SLC9A2: variants seen among roughly 807,000 people sequenced by gnomAD.
The protein encoded by SLC9A2 is sodium/hydrogen exchanger 2.
In SLC9A2, 42 loss-of-function variants were observed where a neutral mutation model predicts 71.7. The observed-to-expected ratio is 0.59, with a 90% CI of 0.46 to 0.76. The LOEUF is 0.76. Ranked by LOEUF, SLC9A2 falls within the 30% of genes least tolerant of loss-of-function variation. The pLI, the probability that SLC9A2 is intolerant of heterozygous loss-of-function variation, is 0.00. For missense variants in SLC9A2, 829 were observed against 1,017.4 expected (o/e 0.81, Z 2.52); for synonymous variants, 396 against 392.5 (o/e 1.01, Z -0.10).
intron 1 of SLC9A2, among the ~76,000 whole-genome samples, chr2:102,656,851 T>C (rs1247990553): frequency 1.3e-5 from 2 of 152,194 alleles, no homozygotes; most frequent in Non-Finnish European, 2.9e-5. Context: ...TTAGGGTTTT[T>C]ATGAGGATGA....
chr2:102,702,676 T>A (rs1309309381), intron 9 of SLC9A2, among the ~76,000 whole-genome samples, 174 bp downstream of exon 9: 1 of 152,216 alleles, frequency 6.6e-6, no homozygotes, highest in Non-Finnish European at 1.5e-5. Context: ...ACTATCCTCC[T>A]GGACACCATG....
chr2:102,691,363 GATC>G (rs1677658538), intron 5 of SLC9A2, among the ~76,000 whole-genome samples: 1 of 152,162 alleles, frequency 6.6e-6, no homozygotes, highest in Non-Finnish European at 1.5e-5. Context: ...CTCCCTGGGT[GATC>G]TAAATTAGAA....
chr2:102,690,264 G>A (rs1677633023), intron 5 of SLC9A2, among the ~76,000 whole-genome samples: 1 of 152,194 alleles, frequency 6.6e-6, no homozygotes, highest in South Asian at 2.1e-4. Flanking sequence ...ACAGCTGCAA[G>A]GTCAGAAAAA....
chr2:102,625,071 T>C (rs975584320), intron 1 of SLC9A2, among the ~76,000 whole-genome samples: 21 of 152,278 alleles, frequency 1.4e-4, no homozygotes, highest in African/African-American at 4.6e-4. Context: ...AATACACTTC[T>C]AAATTCAGGA....
chr2:102,624,384 A>G (rs1285101577), intron 1 of SLC9A2, among the ~76,000 whole-genome samples: 1 of 152,176 alleles, frequency 6.6e-6, no homozygotes, highest in Non-Finnish European at 1.5e-5. Flanking sequence ...TCTTGTATAG[A>G]GAGATGGGGT....
intron 2 of SLC9A2, among the ~76,000 whole-genome samples, chr2:102,660,220 A>G (rs1677024128): frequency 6.6e-6 from 1 of 152,198 alleles, no homozygotes; most frequent in South Asian, 2.1e-4. Flanking sequence ...CAGGGAAGGC[A>G]GGCGGCCAAA....
rs17027769 is a variant in SLC9A2 at position 102,708,719 on chromosome 2, T to C, written c.*230T>C. On this transcript the variant is annotated 3_prime_UTR_variant, in exon 12 of 12. Coordinates refer to ENST00000233969, the MANE Select transcript of SLC9A2 (RefSeq NM_003048.6). The stretch of plus-strand genomic sequence containing the variant: ...TGTGACTAATGGGTAGCAATCGTAT[T>C]ATTTGCTGGCCTGAAGAGAAAAAAT... 1,990 of 476,846 alleles carry C rather than the reference T, an allele frequency of 4.2e-3. 36 individuals are homozygous for C. The highest frequency in any genetic ancestry group is 0.036 in the African/African-American group (1,854 of 50,956). The allele number at this position is 476,846 out of a possible 1,614,324, so 29.5% of individuals were successfully genotyped here.
intron 5 of SLC9A2, among the ~76,000 whole-genome samples, chr2:102,688,767 C>T (rs776746084): frequency 2.2e-4 from 33 of 151,880 alleles, no homozygotes; most frequent in African/African-American, 2.9e-4. Flanking sequence ...AAACTTGTAA[C>T]GAAAGAAAGA....
At chr2:102,683,075 A>C (rs1275369269) in intron 3 of SLC9A2, among the ~76,000 whole-genome samples, 186 bp from the exon 4 acceptor site, 1 of 152,172 alleles carries the variant, frequency 6.6e-6, no homozygotes, top group Non-Finnish European at 1.5e-5. Flanking sequence ...TTGCTAAAGA[A>C]GACCTCCGGA....
At position 102,708,683 on chromosome 2, in the gene SLC9A2, A is replaced by G. The variant is rs7585959; in HGVS notation, c.*194A>G. On this transcript the variant is annotated 3_prime_UTR_variant, in exon 12 of 12. Transcript: ENST00000233969. ...AAAATCGAATAAAAAATAGTCCCAC[A>G]AAATACCTTTTGTGACTAATGGGTA... 13,753 of 605,866 alleles carry G rather than the reference A, an allele frequency of 0.023. 236 individuals are homozygous for G. The highest frequency in any genetic ancestry group is 0.057 in the Admixed American group (1,671 of 29,212). The allele number at this position is 605,866 out of a possible 1,614,324, so 37.5% of individuals were successfully genotyped here.
At chr2:102,672,670 C>G (rs1462950092) in intron 3 of SLC9A2, among the ~76,000 whole-genome samples, 1 of 152,060 alleles carries the variant, frequency 6.6e-6, no homozygotes, top group Non-Finnish European at 1.5e-5. Context: ...AAATGTTTCC[C>G]TAGGTCCACA....
chr2:102,643,776 G>C (rs1393889550), intron 1 of SLC9A2, among the ~76,000 whole-genome samples: 1 of 151,802 alleles, frequency 6.6e-6, no homozygotes, highest in African/African-American at 2.4e-5. Context: ...TTTCACTTTT[G>C]TTTTTGTTAA....
intron 11 of SLC9A2, among the ~76,000 whole-genome samples, chr2:102,706,480 C>G (rs1480423338): frequency 6.6e-6 from 1 of 151,872 alleles, no homozygotes; most frequent in Non-Finnish European, 1.5e-5. Flanking sequence ...ATGTAAATGG[C>G]GAGTTCATGG....
At chr2:102,695,794 T>C (rs1677750540) in intron 7 of SLC9A2, among the ~76,000 whole-genome samples, 1 of 107,716 alleles carries the variant, frequency 9.3e-6, no homozygotes. Flanking sequence ...ATATATTATA[T>C]ATATATTATA....
intron 1 of SLC9A2, among the ~76,000 whole-genome samples, chr2:102,646,768 A>AATATATAT (rs201347551): frequency 0.19 from 24,702 of 132,562 alleles, 2,719 homozygotes; most frequent in East Asian, 0.35. Flanking sequence ...AACGATCCTA[A>AATATATAT]ATATATATAT....
Position 102,631,445 on chromosome 2 carries a change from C to T in SLC9A2, c.289+11308C>T, listed in dbSNP as rs116114847. 1.8e-3 allele frequency among the ~76,000 whole-genome samples: 280 copies of T among 152,128 alleles called. 1 individual carries two copies. Among genetic ancestry groups the T allele is most frequent in the African/African-American group, 6.2e-3 (259 of 41,518 alleles). ...ATGCCAGATCCTAGCACATAGGTCA[C>T]GCATCTGTGTCAGGAGTTCCCCTGG... On this transcript the variant is annotated intron_variant, in intron 1 of 11. Transcript: ENST00000233969.
intron 1 of SLC9A2, among the ~76,000 whole-genome samples, chr2:102,648,355 A>T (rs1437477795): frequency 6.6e-6 from 1 of 152,196 alleles, no homozygotes; most frequent in Non-Finnish European, 1.5e-5. Flanking sequence ...AAATAATAAG[A>T]GCTATTTATG....
intron 1 of SLC9A2, among the ~76,000 whole-genome samples, chr2:102,656,212 G>A (rs912117741): frequency 6.6e-6 from 1 of 151,394 alleles, no homozygotes; most frequent in Non-Finnish European, 1.5e-5. Flanking sequence ...TTGCCTCCAT[G>A]TGCTGGCCCA....
chr2:102,697,679 G>GC (rs1259743089), intron 7 of SLC9A2, among the ~76,000 whole-genome samples: 2 of 147,214 alleles, frequency 1.4e-5, no homozygotes, highest in African/African-American at 5.0e-5. Flanking sequence ...GAGCAGGGAA[G>GC]TGGGTGCGGG....
Sources: gnomAD v4.1 joint callset for allele counts (sites outside exome capture counted in the v4.1 genomes callset) on GRCh38, gnomAD v4.1.1 for gene constraint, MANE v1.5 for transcripts, NCBI Gene and HGNC (gene_info 2026-07-23, HGNC 2026-07-21) for gene names.